Variants in SLC25A18 observed in about 807,000 individuals in gnomAD.
SLC25A18 encodes solute carrier family 25 member 18, also known as mitochondrial glutamate carrier 2.
Under a neutral mutation model 31.1 loss-of-function variants are expected in SLC25A18, and 24 were observed. That is an observed-to-expected ratio of 0.77 (90% CI 0.56 to 1.08). SLC25A18 has a LOEUF of 1.08. Among genes scored for constraint, SLC25A18 ranks in the 50% least tolerant of loss-of-function variants. The probability of loss-of-function intolerance (pLI) is 0.00; values close to 1 mark genes in which losing one functional copy is unlikely to be tolerated. For synonymous variants in SLC25A18, 173 were observed against 161.9 expected (o/e 1.07, Z -0.52); for missense variants, 371 against 418.5 (o/e 0.89, Z 0.99).
Position 17,590,714 on chromosome 22 carries a change from C to T in SLC25A18, c.*478C>T, listed in dbSNP as rs2057690735. The stretch of plus-strand genomic sequence containing the variant: ...CAGAAGTTCAAGGGACCGTGAAAGC[C>T]CTCAGAGTCAGCACCTAGTTTGAGA... On this transcript the variant is annotated 3_prime_UTR_variant, in exon 11 of 11. Transcript: ENST00000327451. 6.5e-6 allele frequency: 1 copy of T among 153,896 alleles called. No individual in the cohort carries two copies. Among genetic ancestry groups the T allele is most frequent in the Non-Finnish European group, 1.4e-5 (1 of 69,172 alleles). The allele number at this position is 153,896 out of a possible 1,614,324, so 9.5% of individuals were successfully genotyped here.
chr22:17,565,982 C>T (rs1033056624), intron 1 of SLC25A18, among the ~76,000 whole-genome samples: 10 of 152,162 alleles, frequency 6.6e-5, no homozygotes, highest in Non-Finnish European at 1.3e-4. Flanking sequence ...CGTGAGCCAC[C>T]GCACCTGGCC....
At chr22:17,568,246 A>T (rs1225726125) in intron 1 of SLC25A18, among the ~76,000 whole-genome samples, 1 of 151,782 alleles carries the variant, frequency 6.6e-6, no homozygotes, top group Non-Finnish European at 1.5e-5. Context: ...GGGCACCTGT[A>T]GTCCCAGCTA....
At chr22:17,576,362 AAAG>A (rs1377435909) in intron 2 of SLC25A18, among the ~76,000 whole-genome samples, 1 of 152,114 alleles carries the variant, frequency 6.6e-6, no homozygotes, top group Non-Finnish European at 1.5e-5. Context: ...TCAAAAAAAA[AAAG>A]AAAAAAAAAA....
chr22:17,569,844 G>A, intron 1 of SLC25A18, 80 bp from the exon 2 acceptor site: 8 of 985,312 alleles, frequency 8.1e-6, no homozygotes, highest in Non-Finnish European at 9.6e-6. Flanking sequence ...TGATGAGGGG[G>A]AGGCAGAGGG....
At position 17,579,915 on chromosome 22, in the gene SLC25A18, T is replaced by G; in HGVS notation, c.-30T>G. ...CGGCTACCCCAAGGAGCCAGCAGCC[T>G]TGTGTCCTGGGATCCCCAGCCCCTG... On this transcript the variant is annotated 5_prime_UTR_variant, in exon 3 of 11. Transcript: ENST00000327451. The G allele has an allele frequency of 6.2e-7, 1 of 1,606,474 alleles. No individual in the cohort carries two copies. The highest frequency in any genetic ancestry group is 8.5e-7 in the Non-Finnish European group (1 of 1,177,122).
At chr22:17,572,007 A>T (rs1382378674) in intron 2 of SLC25A18, among the ~76,000 whole-genome samples, 1 of 149,798 alleles carries the variant, frequency 6.7e-6, no homozygotes, top group African/African-American at 2.5e-5. Context: ...ACAGAGCAAG[A>T]CTCCCGTCTC....
intron 2 of SLC25A18, among the ~76,000 whole-genome samples, chr22:17,576,403 C>T (rs1380671878): frequency 6.6e-6 from 1 of 152,010 alleles, no homozygotes; most frequent in African/African-American, 2.4e-5. Flanking sequence ...GTGCCGGAAC[C>T]AGTAGGAATT....
chr22:17,572,118 C>A (rs1457406113), intron 2 of SLC25A18, among the ~76,000 whole-genome samples: 8 of 151,816 alleles, frequency 5.3e-5, no homozygotes, highest in Non-Finnish European at 1.0e-4. Flanking sequence ...ACCTGGGAGG[C>A]AGGGGTTGCA....
intron 2 of SLC25A18, among the ~76,000 whole-genome samples, chr22:17,571,058 G>A (rs892988481): frequency 3.3e-5 from 5 of 152,218 alleles, no homozygotes; most frequent in Non-Finnish European, 4.4e-5. Context: ...CAAGACTGAC[G>A]TGTTCCGAAA....
intron 6 of SLC25A18, 22 bp from the exon 7 acceptor site, chr22:17,583,394 A>C (rs751961111): frequency 8.6e-5 from 139 of 1,613,522 alleles, no homozygotes; most frequent in Non-Finnish European, 1.1e-4. Flanking sequence ...CGGCTGAAGG[A>C]GCCTGACGCC....
chr22:17,589,711 T>G lies in SLC25A18; in HGVS notation c.806+46T>G, dbSNP rs746882522. ...AAATGGTGGCTGGGACAGGTTCCTC[T>G]GCGTGGGTGTCTGCCTAGACCAGAT... On this transcript the variant is annotated intron_variant, in intron 10 of 10. Transcript: ENST00000327451. 17 of 1,575,680 alleles carry G rather than the reference T, an allele frequency of 1.1e-5. No individual in the cohort carries two copies. The South Asian group carries it at 1.9e-4, about 17-fold the overall frequency.
rs748574116 is a variant in SLC25A18, at chr22:17,590,181, C to G, written c.893C>G (p.Ala298Gly). The G allele has an allele frequency of 1.2e-6, 2 of 1,614,218 alleles. No individual in the cohort carries two copies. The highest frequency in any genetic ancestry group is 1.7e-6 in the Non-Finnish European group (2 of 1,180,036). ...GTCATAGCACCTCTCTTTGGGATTG[C>G]TCAAGGGGTCTATTTTATTGGGATT... is the stretch of plus-strand genomic sequence containing the variant. Reference protein sequence around the residue: ...ALVIAPLFGIAQGVYFIGIGE... With the variant: ...ALVIAPLFGIGQGVYFIGIGE... Residue 298 changes from alanine to glycine, a missense_variant, in exon 11 of 11, where the codon GCT becomes GGT. Physicochemically the swap from Ala to Gly is moderately conservative, Grantham distance 60 (BLOSUM62 0). Transcript: ENST00000327451.
At chr22:17,567,475 C>T (rs1435640373) in intron 1 of SLC25A18, among the ~76,000 whole-genome samples, 19 of 151,670 alleles carry the variant, frequency 1.3e-4, no homozygotes, top group Admixed American at 1.1e-3. Flanking sequence ...TGTATTACTT[C>T]ATAATTTAGG....
At chr22:17,575,171 C>G (rs945831474) in intron 2 of SLC25A18, among the ~76,000 whole-genome samples, 1 of 152,044 alleles carries the variant, frequency 6.6e-6, no homozygotes, top group African/African-American at 2.4e-5. Context: ...TCTTTAAGTC[C>G]CACTTCTCCA....
In SLC25A18 at chr22:17,587,961, T is replaced by G; in HGVS notation, c.612T>G (p.Phe204Leu). ...TCTCCATCATCTACTTCCCACTGTT[T>G]GCCAACCTTAACAACCTGGGGTTCA... Reference protein sequence around the residue: ...IPFSIIYFPLFANLNNLGFNE... With the variant: ...IPFSIIYFPLLANLNNLGFNE... The change falls in exon 9 of 11, where the codon TTT (phenylalanine) becomes TTG (leucine). Residue 204 changes from phenylalanine to leucine, a missense_variant. Physicochemically the swap from Phe to Leu is conservative, Grantham distance 22 (BLOSUM62 0). Coordinates refer to ENST00000327451, the MANE Select transcript of SLC25A18 (RefSeq NM_031481.3). 1 of 1,614,218 alleles carries G rather than the reference T, an allele frequency of 6.2e-7. No individual in the cohort carries two copies. Among genetic ancestry groups the G allele is most frequent in the African/African-American group, 1.3e-5 (1 of 75,066 alleles).
chr22:17,587,761 C>A, intron 8 of SLC25A18, 164 bp from the exon 9 acceptor site: 1 of 777,900 alleles, frequency 1.3e-6, no homozygotes, highest in Non-Finnish European at 2.1e-6. Context: ...CTCTTTTGTC[C>A]CCTGCTGTCC....
Position 17,579,889 on chromosome 22 carries a change from G to C in SLC25A18, c.-56G>C. On this transcript the variant is annotated 5_prime_UTR_variant, in exon 3 of 11. Coordinates refer to ENST00000327451, the MANE Select transcript of SLC25A18 (RefSeq NM_031481.3). ...CTTCTTCCCCCAGACAGCCCCAACA[G>C]CGGCTACCCCAAGGAGCCAGCAGCC... 1.9e-6 allele frequency: 3 copies of C among 1,588,498 alleles called. No homozygotes were observed. In the Admixed American group the frequency reaches 5.3e-5, roughly 28 times the overall value.
chr22:17,585,650 A>ATTTTTTTTTTTT (rs143835144), intron 7 of SLC25A18, among the ~76,000 whole-genome samples: 3 of 137,224 alleles, frequency 2.2e-5, no homozygotes, highest in African/African-American at 8.4e-5. Context: ...TATTATTATT[A>ATTTTTTTTTTTT]TTTTTTTTTT....
intron 2 of SLC25A18, among the ~76,000 whole-genome samples, chr22:17,571,879 A>G (rs1244882594): frequency 1.3e-5 from 2 of 152,008 alleles, no homozygotes; most frequent in African/African-American, 2.4e-5. Flanking sequence ...TTAGCCGGGC[A>G]TGGTGGCTCG....
Sources: gnomAD v4.1 joint callset for allele counts (sites outside exome capture counted in the v4.1 genomes callset) on GRCh38, gnomAD v4.1.1 for gene constraint, MANE v1.5 for transcripts, NCBI Gene and HGNC (gene_info 2026-07-23, HGNC 2026-07-21) for gene names.